Variants in GPCPD1 observed in about 807,000 individuals in gnomAD.
GPCPD1 encodes glycerophosphocholine phosphodiesterase GPCPD1.
In GPCPD1, 29 loss-of-function variants were observed where a neutral mutation model predicts 89.2. The ratio of observed to expected loss-of-function variants is 0.33; its 90% CI spans 0.24 to 0.44. The LOEUF is 0.44. Ranked by LOEUF, GPCPD1 falls within the 20% of genes least tolerant of loss-of-function variation. The pLI, the probability that GPCPD1 is intolerant of heterozygous loss-of-function variation, is 1.00. For missense variants in GPCPD1, 594 were observed against 808.9 expected, an observed-to-expected ratio of 0.73 and a Z score of 3.22; for synonymous variants, 258 against 266.3, an observed-to-expected ratio of 0.97 and a Z score of 0.30.
chr20:5,597,149 T>C (rs1225494675), intron 3 of GPCPD1, among the ~76,000 whole-genome samples: 1 of 152,156 alleles, frequency 6.6e-6, no homozygotes, highest in African/African-American at 2.4e-5. Flanking sequence ...AGTAATACTA[T>C]TTACCAACAG....
intron 8 of GPCPD1, 29 bp downstream of exon 8, chr20:5,578,351 T>A: frequency 7.9e-7 from 1 of 1,259,144 alleles, no homozygotes; most frequent in South Asian, 1.2e-5. Flanking sequence ...GCATTCTTTC[T>A]CAATCCCCTC....
chr20:5,578,001 C>T (rs1978301617), intron 8 of GPCPD1, among the ~76,000 whole-genome samples: 1 of 152,228 alleles, frequency 6.6e-6, no homozygotes, highest in East Asian at 1.9e-4. Context: ...CAATAAATGA[C>T]AGGCTTCCAT....
chr20:5,604,678 G>GC (rs1980444382), intron 1 of GPCPD1, among the ~76,000 whole-genome samples: 1 of 139,460 alleles, frequency 7.2e-6, no homozygotes, highest in Non-Finnish European at 1.5e-5. Context: ...AGTGCCTCAT[G>GC]CCTGTAATAC....
intron 1 of GPCPD1, among the ~76,000 whole-genome samples, chr20:5,609,243 T>C (rs1335028764): frequency 6.6e-6 from 1 of 152,202 alleles, no homozygotes; most frequent in Non-Finnish European, 1.5e-5. Context: ...TTGATCCTCC[T>C]AACTAGCTAA....
chr20:5,546,243 T>G lies in GPCPD1; in HGVS notation c.*1418A>C, dbSNP rs1416364821. 6.6e-6 allele frequency: 1 copy of G among 152,232 alleles called. No individual in the cohort carries two copies. Among genetic ancestry groups the G allele is most frequent in the African/African-American group, 2.4e-5 (1 of 41,454 alleles). The allele number at this position is 152,232 out of a possible 1,614,324, so 9.4% of individuals were successfully genotyped here. A position where few individuals can be genotyped will look rare whatever the true frequency, so the allele number is the denominator to read the frequency against. ...AAATAAGATCTGACCAAAATTGCAT[T>G]GCTTAGCTTAAAAAATACTACACAA... is the stretch of plus-strand genomic sequence containing the variant. On this transcript the variant is annotated 3_prime_UTR_variant, in exon 20 of 20. Transcript: ENST00000379019.
intron 4 of GPCPD1, among the ~76,000 whole-genome samples, chr20:5,592,044 G>A (rs1979363710): frequency 5.9e-5 from 9 of 152,210 alleles, no homozygotes; most frequent in Admixed American, 5.9e-4. Flanking sequence ...CAATGAAGAG[G>A]ATAAATACTT....
chr20:5,578,235 G>C, intron 8 of GPCPD1, 145 bp downstream of exon 8: 1 of 614,240 alleles, frequency 1.6e-6, no homozygotes, highest in East Asian at 2.7e-5. Flanking sequence ...ACAACTCTAA[G>C]TTTTTTAAGC....
At chr20:5,562,362 A>G (rs974178057) in intron 15 of GPCPD1, among the ~76,000 whole-genome samples, 2 of 152,194 alleles carry the variant, frequency 1.3e-5, no homozygotes, top group African/African-American at 4.8e-5. Context: ...AGTTCACTGC[A>G]ACCTCCACCT....
chr20:5,596,134 T>A lies in GPCPD1; in HGVS notation c.146+2591A>T, dbSNP rs577491167. On this transcript the variant is annotated intron_variant, in intron 3 of 19. Coordinates refer to ENST00000379019, the MANE Select transcript of GPCPD1 (RefSeq NM_019593.5). ...TTAAGAATGAACCAGAACCCAGGCA[T>A]AGTGGCTTATACCCAGCACGCTGGG... is the stretch of plus-strand genomic sequence containing the variant. Among the ~76,000 whole-genome samples the A allele has an allele frequency of 5.2e-4, 79 of 152,150 alleles. 1 individual carries two copies. Among genetic ancestry groups the A allele is most frequent in the African/African-American group, 1.8e-3 (76 of 41,518 alleles).
chr20:5,565,460 C>A (rs1986348879), intron 14 of GPCPD1, among the ~76,000 whole-genome samples: 1 of 151,976 alleles, frequency 6.6e-6, no homozygotes, highest in South Asian at 2.1e-4. Context: ...AACTCCTGGC[C>A]TCAAGCAATT....
intron 12 of GPCPD1, chr20:5,567,880 T>C (rs1357375445): frequency 4.8e-6 from 1 of 209,320 alleles, no homozygotes; most frequent in East Asian, 1.1e-4. Flanking sequence ...CTCCCCTACT[T>C]CCTGTTATGC....
At chr20:5,588,412 C>T (rs1308468747) in intron 4 of GPCPD1, among the ~76,000 whole-genome samples, 4 of 151,690 alleles carry the variant, frequency 2.6e-5, no homozygotes, top group African/African-American at 4.8e-5. Context: ...GGCTGAGGCA[C>T]GAGAATTGCT....
intron 3 of GPCPD1, among the ~76,000 whole-genome samples, chr20:5,593,805 A>G (rs1979506024): frequency 6.6e-6 from 1 of 152,262 alleles, no homozygotes; most frequent in Admixed American, 6.5e-5. Context: ...CAAGTTGTAC[A>G]AAAGTGGAAG....
At chr20:5,590,518 G>A (rs1471199979) in intron 4 of GPCPD1, among the ~76,000 whole-genome samples, 2 of 91,080 alleles carry the variant, frequency 2.2e-5, no homozygotes, top group African/African-American at 1.0e-4. Context: ...ACTCCAGCCT[G>A]GGCGACAGAA....
intron 1 of GPCPD1, among the ~76,000 whole-genome samples, chr20:5,609,541 A>C (rs776154105): frequency 2.0e-5 from 3 of 152,208 alleles, no homozygotes; most frequent in Admixed American, 6.5e-5. Context: ...CCGTGATATT[A>C]TTCTCTTGTG....
rs935400787 is a variant in GPCPD1, at chr20:5,545,963, C to G, written c.*1698G>C. 5 of 152,270 alleles carry G rather than the reference C, an allele frequency of 3.3e-5. No homozygotes were observed. Among genetic ancestry groups the G allele is most frequent in the Non-Finnish European group, 7.3e-5 (5 of 68,066 alleles). 9.4% of individuals were successfully genotyped at this position (152,270 alleles called of 1,614,324 possible). A position where few individuals can be genotyped will look rare whatever the true frequency, so the allele number is the denominator to read the frequency against. On this transcript the variant is annotated 3_prime_UTR_variant, in exon 20 of 20. Coordinates refer to ENST00000379019, the MANE Select transcript of GPCPD1 (RefSeq NM_019593.5). ...AGGAGCAAAGGAGCAGGACTAGAAA[C>G]AAACATATATGGCTAATCGAGTTAC...
At chr20:5,564,108 C>T (rs1986239149) in intron 15 of GPCPD1, among the ~76,000 whole-genome samples, 1 of 152,068 alleles carries the variant, frequency 6.6e-6, no homozygotes, top group South Asian at 2.1e-4. Context: ...GCCAGCATCT[C>T]CTTGGCATCT....
intron 1 of GPCPD1, among the ~76,000 whole-genome samples, chr20:5,606,956 C>T (rs1402432560): frequency 1.3e-5 from 2 of 152,182 alleles, no homozygotes; most frequent in Non-Finnish European, 2.9e-5. Context: ...GGCAACTCTA[C>T]CATTTTGGTT....
chr20:5,578,560 A>G lies in GPCPD1; in HGVS notation c.525T>C (p.Ser175=), dbSNP rs1473306300. The stretch of plus-strand genomic sequence containing the variant: ...TGGACATTTTGTGGAGTACAGTGGG[A>G]GATACCCTATCATCGTCATCTTCCT... ...GLEEDDDDRV[S]PTVLHKMSNS... is the part of the protein sequence containing the mutation. The change falls in exon 8 of 20, where the codon TCT becomes TCC. Residue 175 remains serine (S), a synonymous_variant. Transcript: ENST00000379019. The G allele has an allele frequency of 6.2e-7, 1 of 1,613,714 alleles. No homozygotes were observed. The highest frequency in any genetic ancestry group is 1.3e-5 in the African/African-American group (1 of 75,024).
Sources: allele counts gnomAD v4.1 joint callset (sites outside exome capture counted in the v4.1 genomes callset), GRCh38; gene constraint gnomAD v4.1.1; transcripts MANE v1.5; gene names NCBI Gene and HGNC (gene_info 2026-07-23, HGNC 2026-07-21).